The following COL4A6 variants were observed in gnomAD, a reference collection of about 807,000 sequenced individuals.
COL4A6 encodes the protein collagen alpha-6(IV) chain.
COL4A6 carries 59 observed loss-of-function variants against 126.7 expected under a neutral mutation model. The observed-to-expected ratio is 0.47, with a 90% CI of 0.38 to 0.58. The LOEUF is 0.58. Ranked by LOEUF, COL4A6 falls within the 20% of genes least tolerant of loss-of-function variation. The pLI is 0.00. For missense variants in COL4A6, 1,285 were observed against 1,337.3 expected, an observed-to-expected ratio of 0.96 and a Z score of 0.61; for synonymous variants, 547 against 496.6, an observed-to-expected ratio of 1.10 and a Z score of -1.35.
At chrX:108,213,845 A>G (rs1216532155) in intron 6 of COL4A6, 1 of 309,984 alleles carries the variant, frequency 3.2e-6, no homozygotes, top group Non-Finnish European at 5.5e-6. Context: ...GAAATTTACT[A>G]CAGCCTTTTA....
At chrX:108,272,981 A>T (rs1262988112) in intron 3 of COL4A6, among the ~76,000 whole-genome samples, 1 of 109,578 alleles carries the variant, frequency 9.1e-6, no homozygotes, top group Non-Finnish European at 1.9e-5. Context: ...CATGTGCACA[A>T]CTTGCAGGTT....
At chrX:108,242,720 C>T (rs1462062590) in intron 3 of COL4A6, among the ~76,000 whole-genome samples, 2 of 111,061 alleles carry the variant, frequency 1.8e-5, no homozygotes, top group African/African-American at 6.6e-5. Context: ...GGTCGCTTGA[C>T]TCACTCCCTG....
At chrX:108,355,647 C>T (rs1017966903) in intron 2 of COL4A6, among the ~76,000 whole-genome samples, 2 of 111,864 alleles carry the variant, frequency 1.8e-5, no homozygotes, top group East Asian at 2.8e-4. Flanking sequence ...GAGGGACCTA[C>T]TTTAGATTGG....
At chrX:108,412,429 T>C (rs714707) in intron 2 of COL4A6, among the ~76,000 whole-genome samples, 7,277 of 111,530 alleles carry the variant, frequency 0.065, 557 homozygotes, top group African/African-American at 0.21. Flanking sequence ...TCTAAACTTA[T>C]TGTGCAAAGA....
intron 42 of COL4A6, 39 bp downstream of exon 42, chrX:108,161,580 T>TGCC: frequency 1.6e-6 from 1 of 644,863 alleles, no homozygotes; most frequent in Non-Finnish European, 2.3e-6. Context: ...CAGACCACCA[T>TGCC]CCCCGCCCCG....
rs770535492 is a variant in COL4A6 at position 108,179,419 on chromosome X, C to T, written c.2151G>A (p.Gly717=). The part of the protein sequence containing the change: ...PELPGFPGPR[G]EKGLPGFPGL... ...CAGGAAACCCAGGCAAGCCCTTCTC[C>T]CCACGAGGTCCAGGAAATCCTAAAC... The change falls in exon 26 of 45, where the codon GGG becomes GGA. Residue 717 remains glycine (G), a synonymous_variant. Coordinates refer to ENST00000334504, the MANE Select transcript of COL4A6 (RefSeq NM_033641.4). The T allele has an allele frequency of 8.3e-7, 1 of 1,203,606 alleles. No homozygotes were observed. Among genetic ancestry groups the T allele is most frequent in the Non-Finnish European group, 1.1e-6 (1 of 891,467 alleles).
At chrX:108,424,867 C>T (rs932737028) in intron 2 of COL4A6, among the ~76,000 whole-genome samples, 1 of 110,009 alleles carries the variant, frequency 9.1e-6, no homozygotes, top group Non-Finnish European at 1.9e-5. Flanking sequence ...CAAAAATTAG[C>T]TGGGCATGGG....
At chrX:108,215,826 C>T (rs760259393) in intron 5 of COL4A6, among the ~76,000 whole-genome samples, 4 of 111,318 alleles carry the variant, frequency 3.6e-5, no homozygotes, top group Non-Finnish European at 5.7e-5. Context: ...GTTCCACCAT[C>T]CATTGTTGTT....
chrX:108,261,594 C>G (rs926412986), intron 3 of COL4A6, among the ~76,000 whole-genome samples: 3 of 111,388 alleles, frequency 2.7e-5, no homozygotes, highest in Non-Finnish European at 3.8e-5. Context: ...CCTAGTTACT[C>G]TACTATCCCA....
At chrX:108,254,014 G>A (rs1032917400) in intron 3 of COL4A6, among the ~76,000 whole-genome samples, 25 of 111,830 alleles carry the variant, frequency 2.2e-4, no homozygotes, top group Non-Finnish European at 4.3e-4. Context: ...TTTCTAAACT[G>A]TCAGACACAA....
At chrX:108,368,335 T>C (rs1193341650) in intron 2 of COL4A6, among the ~76,000 whole-genome samples, 2 of 111,637 alleles carry the variant, frequency 1.8e-5, no homozygotes, top group African/African-American at 6.5e-5. Context: ...TGTAAAAATA[T>C]GGTATAAAAG....
intron 3 of COL4A6, among the ~76,000 whole-genome samples, chrX:108,306,650 C>T (rs778989737): frequency 1.1e-4 from 12 of 111,156 alleles, no homozygotes; most frequent in Non-Finnish European, 1.9e-4. Context: ...ACACATTTTG[C>T]GGCAGTGGAA....
chrX:108,236,814 T>C (rs1253770533), intron 3 of COL4A6, among the ~76,000 whole-genome samples: 1 of 111,766 alleles, frequency 8.9e-6, no homozygotes, highest in Non-Finnish European at 1.9e-5. Flanking sequence ...CTCTGTTAAA[T>C]TCTAATCCCA....
chrX:108,301,398 G>C (rs2038485504), intron 3 of COL4A6, among the ~76,000 whole-genome samples: 1 of 111,969 alleles, frequency 8.9e-6, no homozygotes. Flanking sequence ...GATATAAATG[G>C]ATGCTATACA....
At chrX:108,175,399 C>G (rs774861952) in intron 29 of COL4A6, among the ~76,000 whole-genome samples, 184 bp from the exon 30 acceptor site, 32 of 111,556 alleles carry the variant, frequency 2.9e-4, no homozygotes, top group Non-Finnish European at 5.1e-4. Flanking sequence ...AATCCCAAGT[C>G]TATCAGCAAC....
intron 8 of COL4A6, among the ~76,000 whole-genome samples, chrX:108,207,871 A>C (rs1431397089): frequency 9.0e-6 from 1 of 111,040 alleles, no homozygotes; most frequent in Non-Finnish European, 1.9e-5. Flanking sequence ...AGAGGTCCTG[A>C]ATCCAATCTC....
intron 8 of COL4A6, 22 bp downstream of exon 8, chrX:108,209,947 C>T: frequency 8.3e-7 from 1 of 1,206,517 alleles, no homozygotes; most frequent in South Asian, 1.8e-5. Flanking sequence ...ACTGAGAGCT[C>T]AACACATAAA....
At chrX:108,354,689 C>T (rs2039920952) in intron 2 of COL4A6, among the ~76,000 whole-genome samples, 1 of 102,857 alleles carries the variant, frequency 9.7e-6, no homozygotes, top group Admixed American at 1.1e-4. Flanking sequence ...CTTTCTCACT[C>T]CCAAATAACC....
intron 8 of COL4A6, among the ~76,000 whole-genome samples, chrX:108,209,351 C>A: frequency 9.0e-6 from 1 of 111,715 alleles, no homozygotes; most frequent in Non-Finnish European, 1.9e-5. Context: ...TTTTTCCCAC[C>A]CTTGGGGGCA....
Sources: allele counts gnomAD v4.1 joint callset (sites outside exome capture counted in the v4.1 genomes callset), GRCh38; gene constraint gnomAD v4.1.1; transcripts MANE v1.5; gene names NCBI Gene and HGNC (gene_info 2026-07-23, HGNC 2026-07-21).